The following PPP1R9A variants were observed in gnomAD, a reference collection of about 807,000 sequenced individuals.
PPP1R9A encodes protein phosphatase 1 regulatory subunit 9A.
A neutral mutation model predicts 141.9 loss-of-function variants in PPP1R9A; 59 were observed. The observed-to-expected ratio is 0.42, with a 90% CI of 0.34 to 0.52. The LOEUF is 0.52. Among genes scored for constraint, PPP1R9A ranks in the 20% least tolerant of loss-of-function variants. PPP1R9A has a pLI of 0.10. For missense variants in PPP1R9A, 1,444 were observed against 1,611.9 expected, an observed-to-expected ratio of 0.90 and a Z score of 1.78; for synonymous variants, 500 against 569.7, an observed-to-expected ratio of 0.88 and a Z score of 1.74.
chr7:95,023,868 A>G (rs937298709), intron 2 of PPP1R9A, among the ~76,000 whole-genome samples: 1 of 151,958 alleles, frequency 6.6e-6, no homozygotes, highest in Non-Finnish European at 1.5e-5. Flanking sequence ...AGTTCTTTTA[A>G]TTGTGATGTT....
chr7:95,085,421 GTTT>G lies in PPP1R9A; in HGVS notation c.1396-25822_1396-25820del, dbSNP rs113775726. On this transcript the variant is annotated intron_variant, in intron 2 of 19. Transcript: ENST00000433360. ...AGCAAAAAAGAAAAAAAAATTTTTG[GTTT>G]TTTTTTTTTTTTTTTGAGTCTTGCT... Among the ~76,000 whole-genome samples the G allele has an allele frequency of 3.6e-4, 46 of 126,900 alleles. 1 individual carries two copies. The highest frequency in any genetic ancestry group is 1.0e-3 in the African/African-American group (34 of 33,896). The allele number at this position is 126,900 out of a possible 152,430, so 83.3% of individuals were successfully genotyped here.
intron 2 of PPP1R9A, among the ~76,000 whole-genome samples, chr7:95,078,641 G>T (rs1584571879): frequency 6.6e-6 from 1 of 152,262 alleles, no homozygotes; most frequent in East Asian, 1.9e-4. Context: ...TCCAGCAACT[G>T]TTGTTTCCTG....
At chr7:95,161,751 A>T in intron 4 of PPP1R9A, 116 bp from the exon 5 acceptor site, 1 of 660,590 alleles carries the variant, frequency 1.5e-6, no homozygotes, top group Non-Finnish European at 2.5e-6. Context: ...TAGATTTTGG[A>T]TCAAAAAGAG....
chr7:94,984,292 C>G lies in PPP1R9A; in HGVS notation c.1395+72784C>G, dbSNP rs191244784. 3.4e-3 allele frequency among the ~76,000 whole-genome samples: 521 copies of G among 152,158 alleles called. 5 individuals carry two copies. Among genetic ancestry groups the G allele is most frequent in the African/African-American group, 0.012 (496 of 41,512 alleles). The stretch of plus-strand genomic sequence containing the variant: ...GTCAGGGATATTGGTCTAAAATTCT[C>G]TTTTTTTGCTGTGTCTCTGCCAGGC... On this transcript the variant is annotated intron_variant, in intron 2 of 19. Coordinates refer to ENST00000433360, the MANE Select transcript of PPP1R9A (RefSeq NM_001166160.2).
At chr7:94,994,613 T>G (rs2151458453) in intron 2 of PPP1R9A, among the ~76,000 whole-genome samples, 1 of 152,284 alleles carries the variant, frequency 6.6e-6, no homozygotes, top group South Asian at 2.1e-4. Context: ...AACTAATTGC[T>G]GGGCGGGTGT....
At chr7:95,116,205 C>T (rs1821484765) in intron 3 of PPP1R9A, among the ~76,000 whole-genome samples, 1 of 152,022 alleles carries the variant, frequency 6.6e-6, no homozygotes, top group African/African-American at 2.4e-5. Flanking sequence ...TGAGTAAACA[C>T]TAAAGATATT....
intron 8 of PPP1R9A, among the ~76,000 whole-genome samples, chr7:95,243,837 G>A (rs970123305): frequency 3.3e-5 from 5 of 152,010 alleles, no homozygotes; most frequent in Admixed American, 6.6e-5. Flanking sequence ...AAAATAAAGG[G>A]GCCTACAAAT....
At chr7:95,140,376 A>G (rs1014456837) in intron 4 of PPP1R9A, among the ~76,000 whole-genome samples, 2 of 152,170 alleles carry the variant, frequency 1.3e-5, no homozygotes, top group African/African-American at 4.8e-5. Context: ...TTAATTTTCA[A>G]TCAATTATAA....
chr7:95,040,736 C>G (rs1809116992), intron 2 of PPP1R9A, among the ~76,000 whole-genome samples: 1 of 152,152 alleles, frequency 6.6e-6, no homozygotes, highest in African/African-American at 2.4e-5. Flanking sequence ...TTTTCATTCT[C>G]TGAAGAAATT....
At chr7:94,912,435 G>C (rs1791567947) in intron 2 of PPP1R9A, among the ~76,000 whole-genome samples, 2 of 152,158 alleles carry the variant, frequency 1.3e-5, no homozygotes, top group Admixed American at 1.3e-4. Context: ...GCTCTCCTTG[G>C]GGAATCTGGA....
chr7:95,252,697 A>C (rs1799060232), intron 12 of PPP1R9A, among the ~76,000 whole-genome samples: 1 of 152,034 alleles, frequency 6.6e-6, no homozygotes, highest in Non-Finnish European at 1.5e-5. Context: ...CGAACTCCTG[A>C]CCTCAGGTGA....
intron 14 of PPP1R9A, among the ~76,000 whole-genome samples, chr7:95,271,442 A>G (rs1802152590): frequency 1.3e-5 from 2 of 152,198 alleles, no homozygotes; most frequent in Admixed American, 1.3e-4. Flanking sequence ...AGGCAAAACT[A>G]TCATGGGCTT....
At chr7:94,984,079 T>C (rs1800484101) in intron 2 of PPP1R9A, among the ~76,000 whole-genome samples, 1 of 152,210 alleles carries the variant, frequency 6.6e-6, no homozygotes. Context: ...TTTGCATCTA[T>C]TGAGATAATC....
At chr7:95,067,804 C>T (rs1351654990) in intron 2 of PPP1R9A, among the ~76,000 whole-genome samples, 1 of 152,130 alleles carries the variant, frequency 6.6e-6, no homozygotes, top group Non-Finnish European at 1.5e-5. Flanking sequence ...TTCAGTAACA[C>T]ACCTGTGTAT....
intron 8 of PPP1R9A, among the ~76,000 whole-genome samples, chr7:95,237,165 GTA>G (rs921319736): frequency 7.2e-6 from 1 of 138,104 alleles, no homozygotes; most frequent in Non-Finnish European, 1.6e-5. Context: ...GTGTGTATGT[GTA>G]TATATATATA....
At chr7:95,255,663 G>A (rs553812813) in intron 12 of PPP1R9A, among the ~76,000 whole-genome samples, 1 of 152,162 alleles carries the variant, frequency 6.6e-6, no homozygotes, top group South Asian at 2.1e-4. Flanking sequence ...TTTGGTAGGA[G>A]ACAAATAAAT....
intron 2 of PPP1R9A, among the ~76,000 whole-genome samples, chr7:95,039,520 T>C (rs1055391493): frequency 3.3e-5 from 5 of 150,516 alleles, no homozygotes; most frequent in Admixed American, 6.6e-5. Flanking sequence ...ATCATGCCAC[T>C]GTACTCCAGC....
rs1403690020 is a variant in PPP1R9A, at chr7:94,910,518, A to G, written c.405A>G (p.Ser135=). 1 of 1,614,098 alleles carries G rather than the reference A, an allele frequency of 6.2e-7. No individual in the cohort carries two copies. Among genetic ancestry groups the G allele is most frequent in the Non-Finnish European group, 8.5e-7 (1 of 1,180,052 alleles). Residue 135 remains serine (S), a synonymous_variant, in exon 2 of 20, where the codon TCA becomes TCG. Transcript: ENST00000433360. The surrounding 1 kb of genome is among the most constrained non-coding windows in gnomAD (Gnocchi z 4.5). The part of the protein sequence containing the change: ...SRFDTMYDGP[S]YSKFTETRKM... ...TTGACACTATGTACGATGGCCCTTC[A>G]TATTCCAAGTTCACTGAGACTCGAA... is the stretch of plus-strand genomic sequence containing the variant.
chr7:95,120,377 A>T (rs76749573), intron 3 of PPP1R9A, among the ~76,000 whole-genome samples: 9,245 of 152,258 alleles, frequency 0.061, 731 homozygotes, highest in African/African-American at 0.18. Context: ...GAATATGTGT[A>T]CTCTTACGCC....
Sources: gnomAD v4.1 joint callset for allele counts (sites outside exome capture counted in the v4.1 genomes callset) on GRCh38, gnomAD v4.1.1 for gene constraint, Gnocchi (gnomAD v3.1) non-coding constraint, MANE v1.5 for transcripts, NCBI Gene and HGNC (gene_info 2026-07-23, HGNC 2026-07-21) for gene names.